Variants in GPHN observed in about 807,000 individuals in gnomAD.
GPHN encodes the protein gephyrin.
Under a neutral mutation model 95.5 loss-of-function variants are expected in GPHN, and 17 were observed. That is an observed-to-expected ratio of 0.18 (90% CI 0.12 to 0.27). The LOEUF (loss-of-function observed/expected upper bound fraction) is 0.27. Among genes scored for constraint, GPHN ranks in the 10% least tolerant of loss-of-function variants. The pLI is 1.00. For synonymous variants in GPHN, 320 were observed against 322.5 expected (o/e 0.99, Z 0.08); for missense variants, 660 against 978.1 (o/e 0.67, Z 4.34).
At chr14:67,393,957 C>T in the GPHN span, among the ~76,000 whole-genome samples, 1 of 152,156 alleles carries the variant, frequency 6.6e-6, no homozygotes, top group African/African-American at 2.4e-5. Context: ...TGTCTCTAGG[C>T]CAGCAGGGAC....
the GPHN span, chr14:67,204,507 C>T: frequency 6.3e-7 from 1 of 1,595,128 alleles, no homozygotes; most frequent in Non-Finnish European, 8.5e-7. Flanking sequence ...ATCAGGTCTC[C>T]AGATGATGTT....
intron 9 of GPHN, among the ~76,000 whole-genome samples, chr14:67,020,354 G>T (rs1424889031): frequency 6.6e-6 from 1 of 152,118 alleles, no homozygotes; most frequent in African/African-American, 2.4e-5. Flanking sequence ...TTTAAACACT[G>T]TGCTATTCTT....
chr14:67,226,248 G>T, the GPHN span, among the ~76,000 whole-genome samples: 4 of 152,116 alleles, frequency 2.6e-5, no homozygotes, highest in African/African-American at 9.7e-5. Flanking sequence ...CTGGAGTGCA[G>T]TGGCGCAATC....
chr14:67,226,366 T>C, the GPHN span, among the ~76,000 whole-genome samples: 1 of 150,680 alleles, frequency 6.6e-6, no homozygotes, highest in Non-Finnish European at 1.5e-5. Context: ...TAGTTTTTTT[T>C]GTTTTGTTTT....
chr14:67,357,872 G>C, the GPHN span, among the ~76,000 whole-genome samples: 1 of 152,186 alleles, frequency 6.6e-6, no homozygotes, highest in Non-Finnish European at 1.5e-5. Context: ...CAGACTGGGA[G>C]ACAAAGCCCC....
intron 3 of GPHN, among the ~76,000 whole-genome samples, chr14:66,821,122 T>C (rs1281116885): frequency 6.6e-6 from 1 of 152,196 alleles, no homozygotes; most frequent in African/African-American, 2.4e-5. Context: ...TTTGTCAGAA[T>C]AAAGTGGATC....
intron 16 of GPHN, among the ~76,000 whole-genome samples, chr14:67,118,597 G>A (rs2078827169): frequency 6.6e-6 from 1 of 151,918 alleles, no homozygotes; most frequent in Non-Finnish European, 1.5e-5. Flanking sequence ...GTGTGGTGGC[G>A]AGGGCCTGTA....
intron 4 of GPHN, among the ~76,000 whole-genome samples, chr14:66,847,377 A>T (rs924211482): frequency 3.9e-5 from 6 of 152,182 alleles, no homozygotes; most frequent in African/African-American, 1.4e-4. Flanking sequence ...GGAAAATATA[A>T]GAGTAACATA....
chr14:67,213,420 T>C, the GPHN span, among the ~76,000 whole-genome samples: 11 of 144,016 alleles, frequency 7.6e-5, no homozygotes, highest in African/African-American at 2.8e-4. Flanking sequence ...CGGTGTTTGG[T>C]TTTTTGTTCT....
intron 16 of GPHN, among the ~76,000 whole-genome samples, chr14:67,120,568 A>G (rs1432677738): frequency 2.0e-5 from 3 of 152,202 alleles, no homozygotes; most frequent in African/African-American, 7.2e-5. Context: ...TAGCAAAGAA[A>G]ACACCCTGAT....
At chr14:67,165,637 C>A (rs1243902946) in intron 20 of GPHN, among the ~76,000 whole-genome samples, 3 of 152,134 alleles carry the variant, frequency 2.0e-5, no homozygotes, top group Non-Finnish European at 4.4e-5. Context: ...CTTGAGTCAC[C>A]CAAGCAAATA....
At chr14:66,981,860 A>G (rs746999195) in intron 9 of GPHN, among the ~76,000 whole-genome samples, 1 of 152,202 alleles carries the variant, frequency 6.6e-6, no homozygotes, top group African/African-American at 2.4e-5. Flanking sequence ...TCAGAAGGTA[A>G]TATCAGCTGT....
chr14:66,747,502 C>T lies in GPHN; in HGVS notation c.144-28962C>T, dbSNP rs143859468. 4.9e-4 allele frequency among the ~76,000 whole-genome samples: 74 copies of T among 151,884 alleles called. 1 individual carries two copies. The highest frequency in any genetic ancestry group is 1.4e-3 in the African/African-American group (59 of 41,458). ...ATTTATTCACTCCACAGAAATTAAA[C>T]GAGTACTGACTCTTGGCCTGGGATT... On this transcript the variant is annotated intron_variant, in intron 2 of 22. Coordinates refer to ENST00000478722, the MANE Select transcript of GPHN (RefSeq NM_020806.5).
intron 21 of GPHN, among the ~76,000 whole-genome samples, chr14:67,171,059 G>A (rs1436026242): frequency 1.3e-5 from 2 of 152,052 alleles, no homozygotes; most frequent in African/African-American, 4.8e-5. Flanking sequence ...TGCAGAAAAT[G>A]TCATCCTTGC....
At chr14:67,203,125 A>T in the GPHN span, 1 of 1,613,716 alleles carries the variant, frequency 6.2e-7, no homozygotes, top group South Asian at 1.1e-5. Context: ...ATTTACCTTC[A>T]TAACCGAGCC....
chr14:67,290,040 G>A, the GPHN span, among the ~76,000 whole-genome samples: 1 of 152,086 alleles, frequency 6.6e-6, no homozygotes, highest in African/African-American at 2.4e-5. Context: ...CCAAAGTGCT[G>A]GGATTACAGG....
chr14:67,183,710 T>G (rs575485460), downstream of GPHN, among the ~76,000 whole-genome samples: 21 of 151,736 alleles, frequency 1.4e-4, no homozygotes, highest in Admixed American at 8.5e-4. Flanking sequence ...ATTACAGGCA[T>G]GCACCGCCAG....
At chr14:67,163,517 A>G (rs2082083596) in intron 19 of GPHN, among the ~76,000 whole-genome samples, 1 of 152,136 alleles carries the variant, frequency 6.6e-6, no homozygotes, top group Non-Finnish European at 1.5e-5. Flanking sequence ...ATAGAAACAT[A>G]GCAATGTGGG....
intron 18 of GPHN, among the ~76,000 whole-genome samples, chr14:67,147,128 G>A (rs528766106): frequency 2.6e-5 from 4 of 152,252 alleles, no homozygotes; most frequent in Admixed American, 2.0e-4. Flanking sequence ...CATCATTCTT[G>A]TTCTGCTAAA....
Sources: allele counts gnomAD v4.1 joint callset (sites outside exome capture counted in the v4.1 genomes callset), GRCh38; gene constraint gnomAD v4.1.1; transcripts MANE v1.5; gene names NCBI Gene and HGNC (gene_info 2026-07-23, HGNC 2026-07-21).